R3HDM4: variants seen among roughly 807,000 people sequenced by gnomAD.
The protein encoded by R3HDM4 is R3H domain containing 4.
R3HDM4 carries 30 observed loss-of-function variants against 31.3 expected under a neutral mutation model. The ratio of observed to expected loss-of-function variants is 0.96; its 90% CI spans 0.72 to 1.30. The LOEUF is 1.30. Ranked by LOEUF, R3HDM4 falls within the 50% of genes most tolerant of loss-of-function variation. R3HDM4 has a pLI of 0.00. For missense variants in R3HDM4, 444 were observed against 366.1 expected, an observed-to-expected ratio of 1.21 and a Z score of -1.74; for synonymous variants, 196 against 156.6, an observed-to-expected ratio of 1.25 and a Z score of -1.88.
intron 2 of R3HDM4, 145 bp downstream of exon 2, chr19:901,831 G>T: frequency 1.1e-6 from 1 of 891,482 alleles, no homozygotes; most frequent in South Asian, 1.5e-5. Context: ...TATTTATATG[G>T]TCCCCCGGCC....
chr19:899,831 C>T lies in R3HDM4; in HGVS notation c.562-145G>A, dbSNP rs1159420884. 4 of 751,910 alleles carry T rather than the reference C, an allele frequency of 5.3e-6. No individual in the cohort carries two copies. Among genetic ancestry groups the T allele is most frequent in the Non-Finnish European group, 6.4e-6 (3 of 467,606 alleles). 46.6% of individuals were successfully genotyped at this position (751,910 alleles called of 1,614,324 possible). A position where few individuals can be genotyped will look rare whatever the true frequency, so the allele number is the denominator to read the frequency against. On this transcript the variant is annotated intron_variant, in intron 5 of 7. Transcript: ENST00000361574. This position sits in a 1 kb window ranked among gnomAD's most constrained non-coding sequence, Gnocchi z 6.8. ...TGAGGCTGCTTAAGTGTCTCTGAGG[C>T]CACCATGCCACCTCCTGCCTGTGCC...
chr19:901,917 T>A, intron 2 of R3HDM4, 59 bp downstream of exon 2: 1 of 1,596,110 alleles, frequency 6.3e-7, no homozygotes, highest in Non-Finnish European at 8.5e-7. Flanking sequence ...AACACCAATA[T>A]GCATGCCATT....
rs200123257 is a variant in R3HDM4, at chr19:902,021, C to G, written c.181G>C (p.Val61Leu). 5.8e-5 allele frequency: 94 copies of G among 1,613,900 alleles called. No homozygotes were observed. Among genetic ancestry groups the G allele is most frequent in the Non-Finnish European group, 7.5e-5 (89 of 1,180,012 alleles). Residue 61 changes from valine to leucine, a missense_variant, in exon 2 of 8, where the codon GTG becomes CTG. Val to Leu is a conservative substitution (Grantham distance 32). Coordinates refer to ENST00000361574, the MANE Select transcript of R3HDM4 (RefSeq NM_138774.4). ...INQAVRNSDL[V>L]PKAKGRKSLQ... ...CTCTTCCGCCCCTTGGCCTTGGGCA[C>G]GAGGTCTGAGTTCCGCACTGCCTGG...
chr19:900,305 C>A (rs2036810714), intron 4 of R3HDM4, among the ~76,000 whole-genome samples, 159 bp from the exon 5 acceptor site: 1 of 151,980 alleles, frequency 6.6e-6, no homozygotes, highest in African/African-American at 2.4e-5. Context: ...CCCATCCAGC[C>A]AGCAGACCCT....
intron 1 of R3HDM4, among the ~76,000 whole-genome samples, chr19:912,879 A>AC (rs1282054438): frequency 3.3e-5 from 5 of 150,678 alleles, no homozygotes; most frequent in African/African-American, 7.3e-5. Flanking sequence ...AACAATGAAG[A>AC]CCCCCCACCC....
chr19:907,330 C>G lies in R3HDM4; in HGVS notation c.72-5200G>C, dbSNP rs901877575. ...CTCCCTGAGGCCGGAGCACTCTGTCCCATGCCCCAGATTCACCCACAGCCC... is the reference window on the plus strand; with the variant it reads ...CTCCCTGAGGCCGGAGCACTCTGTCGCATGCCCCAGATTCACCCACAGCCC... On this transcript the variant is annotated intron_variant, in intron 1 of 7. Transcript: ENST00000361574. The surrounding 1 kb of genome is among the most constrained non-coding windows in gnomAD (Gnocchi z 4.1). 6.6e-6 allele frequency among the ~76,000 whole-genome samples: 1 copy of G among 152,092 alleles called. No individual in the cohort carries two copies. Among genetic ancestry groups the G allele is most frequent in the Admixed American group, 6.6e-5 (1 of 15,262 alleles).
In R3HDM4 at chr19:897,400, T is replaced by C. The variant is rs570474579; in HGVS notation, c.*37A>G. On this transcript the variant is annotated 3_prime_UTR_variant, in exon 8 of 8. Coordinates refer to ENST00000361574, the MANE Select transcript of R3HDM4 (RefSeq NM_138774.4). ...CGAAGGTATCGGAGGGCTTGATGGC[T>C]GGGCGAGGTGGCAGCGGGGTCTCCG... 50 of 1,460,550 alleles carry C rather than the reference T, an allele frequency of 3.4e-5. No individual in the cohort carries two copies. In the East Asian group the frequency reaches 9.1e-4, roughly 27 times the overall value. 90.5% of individuals were successfully genotyped at this position (1,460,550 alleles called of 1,614,324 possible). A position where few individuals can be genotyped will look rare whatever the true frequency, so the allele number is the denominator to read the frequency against.
In R3HDM4 at chr19:901,093, G is replaced by A. The variant is rs1021368778; in HGVS notation, c.352-141C>T. ...TCTGTCCACTGAGGGGCCGCTGCTTGTGTCGGGCCCTGAGCTGAGCGCAGG... is the reference window on the plus strand; with the variant it reads ...TCTGTCCACTGAGGGGCCGCTGCTTATGTCGGGCCCTGAGCTGAGCGCAGG... On this transcript the variant is annotated intron_variant, in intron 3 of 7. Transcript: ENST00000361574. 9 of 1,126,038 alleles carry A rather than the reference G, an allele frequency of 8.0e-6. 1 individual carries two copies. Among genetic ancestry groups the A allele is most frequent in the Non-Finnish European group, 1.1e-5 (9 of 811,696 alleles). 69.8% of individuals were successfully genotyped at this position (1,126,038 alleles called of 1,614,324 possible).
intron 1 of R3HDM4, among the ~76,000 whole-genome samples, chr19:910,687 T>G (rs557124944): frequency 6.6e-6 from 1 of 151,812 alleles, no homozygotes; most frequent in East Asian, 1.9e-4. Flanking sequence ...TCCAATCAAT[T>G]AACCAATCAA....
Position 899,173 on chromosome 19 carries a change from G to A in R3HDM4, c.703+267C>T, listed in dbSNP as rs1262386946. On this transcript the variant is annotated intron_variant, in intron 7 of 7. Coordinates refer to ENST00000361574, the MANE Select transcript of R3HDM4 (RefSeq NM_138774.4). This position sits in a 1 kb window ranked among gnomAD's most constrained non-coding sequence, Gnocchi z 6.8. ...CCAGGCTTCATCACCCCCACCCCGG[G>A]CCCCGAAGATGCAGATGGAGGAGTG... 1.3e-5 allele frequency among the ~76,000 whole-genome samples: 2 copies of A among 152,076 alleles called. No homozygotes were observed. Among genetic ancestry groups the A allele is most frequent in the African/African-American group, 4.8e-5 (2 of 41,400 alleles).
At chr19:904,642 T>C (rs1480749384) in intron 1 of R3HDM4, among the ~76,000 whole-genome samples, 2 of 151,988 alleles carry the variant, frequency 1.3e-5, no homozygotes, top group East Asian at 3.9e-4. Context: ...AAGATCAGCC[T>C]GGGCAACATC....
chr19:910,916 G>C (rs1026547144), intron 1 of R3HDM4, among the ~76,000 whole-genome samples: 1 of 141,730 alleles, frequency 7.1e-6, no homozygotes, highest in Non-Finnish European at 1.5e-5. Context: ...TCAAGAGATC[G>C]AGACCATCCT....
chr19:902,101 G>A lies in R3HDM4; in HGVS notation c.101C>T (p.Ala34Val), dbSNP rs2036845511. Residue 34 changes from alanine (A) to valine (V), a missense_variant, in exon 2 of 8, where the codon GCC (alanine) becomes GTC (valine). Physicochemically the swap from Ala to Val is moderately conservative, Grantham distance 64. Coordinates refer to ENST00000361574, the MANE Select transcript of R3HDM4 (RefSeq NM_138774.4). ...LPLPSCLPALASSQVKRLSAS... is the reference protein window; with the variant it reads ...LPLPSCLPALVSSQVKRLSAS... ...CGAGAGTCTCTTCACCTGGGAGCTG[G>A]CTAGGGCAGGCAGGCAGCTGGGAAG... is the stretch of plus-strand genomic sequence containing the variant. 1 of 1,613,558 alleles carries A rather than the reference G, an allele frequency of 6.2e-7. No homozygotes were observed. The highest frequency in any genetic ancestry group is 1.1e-5 in the South Asian group (1 of 91,090).
intron 3 of R3HDM4, 200 bp from the exon 4 acceptor site, chr19:901,152 G>C: frequency 1.4e-6 from 1 of 704,702 alleles, no homozygotes; most frequent in Non-Finnish European, 2.3e-6. Context: ...CAGCTGTCTC[G>C]GGGTGGGGGG....
At chr19:900,976 G>T (rs1599357821) in intron 3 of R3HDM4, 24 bp from the exon 4 acceptor site, 2 of 1,541,660 alleles carry the variant, frequency 1.3e-6, no homozygotes, top group South Asian at 2.5e-5. Flanking sequence ...AGGGAGGCAG[G>T]CTTGCCATGA....
chr19:908,810 A>C (rs2036936515), intron 1 of R3HDM4, among the ~76,000 whole-genome samples: 1 of 148,408 alleles, frequency 6.7e-6, no homozygotes, highest in Non-Finnish European at 1.5e-5. Flanking sequence ...TCTGGAAACC[A>C]ACCGGCCCCA....
At chr19:901,341 G>C in intron 3 of R3HDM4, 81 bp downstream of exon 3, 3 of 1,463,912 alleles carry the variant, frequency 2.0e-6, no homozygotes, top group East Asian at 2.4e-5. Flanking sequence ...TCTGGCGGGG[G>C]ACGGGCACAG....
intron 1 of R3HDM4, among the ~76,000 whole-genome samples, chr19:906,242 C>CA (rs1375889881): frequency 7.3e-6 from 1 of 137,176 alleles, no homozygotes; most frequent in Non-Finnish European, 1.5e-5. Context: ...TTTTTTGAGA[C>CA]AGAGTCTCGC....
rs769494320 is a variant in R3HDM4 at position 902,115 on chromosome 19, G to A, written c.87C>T (p.Cys29=). The A allele has an allele frequency of 2.5e-6, 4 of 1,613,422 alleles. No individual in the cohort carries two copies. The highest frequency in any genetic ancestry group is 2.2e-5 in the South Asian group (2 of 91,090). Residue 29 remains cysteine, a synonymous_variant, in exon 2 of 8, where the codon TGC becomes TGT. Coordinates refer to ENST00000361574, the MANE Select transcript of R3HDM4 (RefSeq NM_138774.4). ...CCTGGGAGCTGGCTAGGGCAGGCAGGCAGCTGGGAAGGGGCCTGTGGGCCG... is the reference window on the plus strand; with the variant it reads ...CCTGGGAGCTGGCTAGGGCAGGCAGACAGCTGGGAAGGGGCCTGTGGGCCG... The part of the protein sequence containing the change: ...GGRRLLPLPS[C]LPALASSQVK...
Sources: allele counts gnomAD v4.1 joint callset (sites outside exome capture counted in the v4.1 genomes callset), GRCh38; gene constraint gnomAD v4.1.1; non-coding constraint Gnocchi (gnomAD v3.1); transcripts MANE v1.5; gene names NCBI Gene and HGNC (gene_info 2026-07-23, HGNC 2026-07-21).